Variants in PDGFD observed in about 807,000 individuals in gnomAD.
The protein encoded by PDGFD is platelet derived growth factor D.
PDGFD carries 30 observed loss-of-function variants against 44.7 expected under a neutral mutation model. The observed-to-expected ratio is 0.67, with a 90% confidence interval of 0.50 to 0.91. The LOEUF (loss-of-function observed/expected upper bound fraction) is 0.91, where lower values mean the gene tolerates loss of function less well. PDGFD is among the 40% of genes least tolerant of loss of function. The pLI, the probability that PDGFD is intolerant of heterozygous loss-of-function variation, is 0.00. For missense variants in PDGFD, 445 were observed against 457.8 expected, an observed-to-expected ratio of 0.97 and a Z score of 0.25; for synonymous variants, 173 against 168.4, an observed-to-expected ratio of 1.03 and a Z score of -0.21.
chr11:104,031,311 C>T, intron 1 of PDGFD, among the ~76,000 whole-genome samples: 1 of 151,988 alleles, frequency 6.6e-6, no homozygotes, highest in East Asian at 1.9e-4. Context: ...ACAAACAACC[C>T]CATTAAAAAG....
In PDGFD at chr11:104,037,224, G is replaced by A. The variant is rs572950523; in HGVS notation, c.125-36969C>T. Reference sequence around the variant, plus strand: ...AGGGCTTGGCGTCAGGAGAGAAGGTGGCCGGCCTGCAAGGTCTGGGCAGCC... The same window carrying A: ...AGGGCTTGGCGTCAGGAGAGAAGGTAGCCGGCCTGCAAGGTCTGGGCAGCC... On this transcript the variant is annotated intron_variant, in intron 1 of 6. Transcript: ENST00000393158. The A allele has an allele frequency of 1.9e-6, 3 of 1,613,740 alleles. No homozygotes were observed. In the South Asian group the frequency reaches 3.3e-5, roughly 18 times the overall value.
At chr11:103,936,504 A>G (rs1858489386) in intron 5 of PDGFD, among the ~76,000 whole-genome samples, 1 of 152,246 alleles carries the variant, frequency 6.6e-6, no homozygotes, top group South Asian at 2.1e-4. Flanking sequence ...CTGACTTAAG[A>G]GAACTCAGAA....
chr11:104,150,991 T>C, intron 1 of PDGFD, among the ~76,000 whole-genome samples: 1 of 152,326 alleles, frequency 6.6e-6, no homozygotes, highest in East Asian at 1.9e-4. Flanking sequence ...GAAGCATTAA[T>C]TAAAAATGGT....
rs199901304 is a variant in PDGFD at position 104,073,985 on chromosome 11, C to CT, written c.125-73731dup. Among the ~76,000 whole-genome samples, 4 of 152,182 alleles carry CT rather than the reference C, an allele frequency of 2.6e-5. No homozygotes were observed. The East Asian group carries it at 5.8e-4, about 22-fold the overall frequency. The stretch of plus-strand genomic sequence containing the variant: ...TAAAACCTCTCTGTAACCACACTTT[C>CT]TTTTAGTACACCTATTTTCCAGTGA... On this transcript the variant is annotated intron_variant, in intron 1 of 6. Coordinates refer to ENST00000393158, the MANE Select transcript of PDGFD (RefSeq NM_025208.5).
At chr11:103,950,646 CA>C (rs1021607377) in intron 3 of PDGFD, among the ~76,000 whole-genome samples, 3 of 152,018 alleles carry the variant, frequency 2.0e-5, no homozygotes, top group African/African-American at 7.2e-5. Context: ...ATCATGTACC[CA>C]TTTTCTGGCA....
chr11:103,909,456 A>C lies in PDGFD; in HGVS notation c.*238T>G, dbSNP rs952715642. The C allele has an allele frequency of 2.1e-6, 1 of 476,530 alleles. No individual in the cohort carries two copies. The highest frequency in any genetic ancestry group is 3.5e-5 in the East Asian group (1 of 28,228). The allele number at this position is 476,530 out of a possible 1,614,324, so 29.5% of individuals were successfully genotyped here. On this transcript the variant is annotated 3_prime_UTR_variant, in exon 7 of 7. Coordinates refer to ENST00000393158, the MANE Select transcript of PDGFD (RefSeq NM_025208.5). The stretch of plus-strand genomic sequence containing the variant: ...TATATTTCTGTGTGTGTTTGTGCAT[A>C]TATAACCTCAAACACTATTATTAAA...
intron 1 of PDGFD, among the ~76,000 whole-genome samples, chr11:104,013,077 C>T (rs1329790370): frequency 1.3e-5 from 2 of 152,224 alleles, no homozygotes; most frequent in South Asian, 4.1e-4. Context: ...GGCAGAGGAG[C>T]AGAGCAGTAT....
At chr11:103,955,413 C>T (rs1858828350) in intron 3 of PDGFD, among the ~76,000 whole-genome samples, 1 of 152,042 alleles carries the variant, frequency 6.6e-6, no homozygotes, top group African/African-American at 2.4e-5. Flanking sequence ...GGCATGCAGA[C>T]CCAACAATGT....
At chr11:104,156,914 T>G (rs1158479069) in intron 1 of PDGFD, among the ~76,000 whole-genome samples, 1 of 152,244 alleles carries the variant, frequency 6.6e-6, no homozygotes, top group Non-Finnish European at 1.5e-5. Context: ...ACATTTCTGC[T>G]GCACCTCTGG....
intron 6 of PDGFD, among the ~76,000 whole-genome samples, chr11:103,910,796 C>A (rs111435154): frequency 1.4e-5 from 2 of 143,778 alleles, no homozygotes; most frequent in Non-Finnish European, 3.1e-5. Flanking sequence ...GTGGGTCCCA[C>A]CCCCATGGAG....
At position 104,122,771 on chromosome 11, in the gene PDGFD, C is replaced by T. The variant is rs553835732; in HGVS notation, c.124+41033G>A. 7.2e-5 allele frequency among the ~76,000 whole-genome samples: 11 copies of T among 152,044 alleles called. 1 individual carries two copies. The South Asian group carries it at 1.7e-3, about 23-fold the overall frequency. On this transcript the variant is annotated intron_variant, in intron 1 of 6. Transcript: ENST00000393158. ...TCAAAAGTCTTGTGAAAGGAAAATA[C>T]ACATGCCTTTAACTTCAGTTTTTGG...
At chr11:104,019,030 C>T (rs375656167) in intron 1 of PDGFD, among the ~76,000 whole-genome samples, 3 of 152,264 alleles carry the variant, frequency 2.0e-5, no homozygotes, top group Admixed American at 6.5e-5. Context: ...AGAATGCTCA[C>T]CCTCTATCTC....
chr11:103,990,042 C>CT, intron 3 of PDGFD, among the ~76,000 whole-genome samples: 1 of 152,170 alleles, frequency 6.6e-6, no homozygotes, highest in East Asian at 1.9e-4. Context: ...TTAGCTAACC[C>CT]TCTGGTTTTA....
At chr11:104,069,701 A>T (rs539020659) in intron 1 of PDGFD, among the ~76,000 whole-genome samples, 2 of 152,296 alleles carry the variant, frequency 1.3e-5, no homozygotes, top group Admixed American at 6.5e-5. Flanking sequence ...TCTACTAAAA[A>T]TACAAAAAAT....
intron 1 of PDGFD, among the ~76,000 whole-genome samples, chr11:104,084,256 G>A (rs1318556520): frequency 6.6e-6 from 1 of 152,144 alleles, no homozygotes; most frequent in Admixed American, 6.5e-5. Flanking sequence ...GAAGTGTTAG[G>A]GTGAAAACCA....
At chr11:103,938,859 A>G (rs1858535219) in intron 5 of PDGFD, among the ~76,000 whole-genome samples, 1 of 152,108 alleles carries the variant, frequency 6.6e-6, no homozygotes, top group Non-Finnish European at 1.5e-5. Flanking sequence ...AAGATCAGAT[A>G]GTTGTAGATA....
chr11:104,122,481 A>C (rs911077332), intron 1 of PDGFD, among the ~76,000 whole-genome samples: 2 of 151,962 alleles, frequency 1.3e-5, no homozygotes, highest in African/African-American at 4.8e-5. Context: ...CTCACCAGGC[A>C]TCTATAAACC....
intron 1 of PDGFD, among the ~76,000 whole-genome samples, chr11:104,156,963 A>AC (rs1444120846): frequency 6.6e-6 from 1 of 152,064 alleles, no homozygotes; most frequent in Non-Finnish European, 1.5e-5. Flanking sequence ...ACTATATATT[A>AC]CCCCCTGTAG....
At chr11:104,067,111 C>A (rs1591147187) in intron 1 of PDGFD, among the ~76,000 whole-genome samples, 1 of 152,080 alleles carries the variant, frequency 6.6e-6, no homozygotes, top group Admixed American at 6.6e-5. Flanking sequence ...TGTATTGGGA[C>A]TAAAATAAAA....
Sources: gnomAD v4.1 joint callset for allele counts (sites outside exome capture counted in the v4.1 genomes callset) on GRCh38, gnomAD v4.1.1 for gene constraint, MANE v1.5 for transcripts, NCBI Gene and HGNC (gene_info 2026-07-23, HGNC 2026-07-21) for gene names.